The following TMPO variants were observed in gnomAD, a reference collection of about 807,000 sequenced individuals.
TMPO encodes the protein thymopoietin.
A neutral mutation model predicts 45.4 loss-of-function variants in TMPO; 22 were observed. That is an observed-to-expected ratio of 0.48 (90% CI 0.35 to 0.69). The LOEUF (loss-of-function observed/expected upper bound fraction) is 0.69, where lower values mean the gene tolerates loss of function less well. Among genes scored for constraint, TMPO ranks in the 30% least tolerant of loss-of-function variants. The probability of loss-of-function intolerance (pLI) is 0.01; values close to 1 mark genes in which losing one functional copy is unlikely to be tolerated. For missense variants in TMPO, 512 were observed against 548.8 expected, an observed-to-expected ratio of 0.93 and a Z score of 0.67; for synonymous variants, 241 against 204.1, an observed-to-expected ratio of 1.18 and a Z score of -1.54.
intron 1 of TMPO, among the ~76,000 whole-genome samples, chr12:98,518,435 G>A (rs1677156033): frequency 6.7e-6 from 1 of 150,368 alleles, no homozygotes; most frequent in South Asian, 2.1e-4. Flanking sequence ...AAGGGCAACG[G>A]GGCATGCACC....
intron 3 of TMPO, chr12:98,532,881 A>G: frequency 3.7e-6 from 6 of 1,614,150 alleles, no homozygotes; most frequent in Non-Finnish European, 4.2e-6. Flanking sequence ...CTTTTTCTGA[A>G]CTTGGAACTA....
intron 1 of TMPO, 103 bp downstream of exon 1, chr12:98,516,249 C>T: frequency 1.5e-6 from 2 of 1,301,056 alleles, no homozygotes; most frequent in Non-Finnish European, 1.9e-6. Context: ...CCTCGGGCCT[C>T]CCAGGTGCGG....
chr12:98,547,333 C>T (rs924574667), intron 8 of TMPO, among the ~76,000 whole-genome samples: 1 of 152,166 alleles, frequency 6.6e-6, no homozygotes, highest in Non-Finnish European at 1.5e-5. Flanking sequence ...CCTTGGCCTC[C>T]CAAAGTGCTG....
intron 3 of TMPO, among the ~76,000 whole-genome samples, 167 bp from the exon 4 acceptor site, chr12:98,537,308 T>C (rs1225380619): frequency 6.6e-6 from 1 of 152,178 alleles, no homozygotes; most frequent in Non-Finnish European, 1.5e-5. Context: ...GAAACAGTTT[T>C]CAAGACAAAT....
intron 2 of TMPO, among the ~76,000 whole-genome samples, chr12:98,528,729 T>TGG (rs1372774765): frequency 6.6e-6 from 1 of 152,096 alleles, no homozygotes; most frequent in African/African-American, 2.4e-5. Context: ...GAGGCCAAGA[T>TGG]GGGAGGATTG....
intron 1 of TMPO, among the ~76,000 whole-genome samples, chr12:98,519,831 A>T (rs918714553): frequency 2.6e-5 from 4 of 152,188 alleles, no homozygotes; most frequent in African/African-American, 9.7e-5. Flanking sequence ...AAAGAAATTT[A>T]TAATAATTTA....
At chr12:98,547,078 C>CTTTTTT (rs10632560) in intron 8 of TMPO, among the ~76,000 whole-genome samples, 1 of 141,680 alleles carries the variant, frequency 7.1e-6, no homozygotes. Context: ...ATGCATCGAA[C>CTTTTTT]TTTTTTTTTT....
intron 1 of TMPO, among the ~76,000 whole-genome samples, chr12:98,525,996 TC>T (rs1425888825): frequency 6.6e-6 from 1 of 152,252 alleles, no homozygotes; most frequent in Non-Finnish European, 1.5e-5. Context: ...GAGGCATTTG[TC>T]AGGCTGTTTG....
intron 1 of TMPO, among the ~76,000 whole-genome samples, chr12:98,517,341 T>C (rs940742892): frequency 1.3e-5 from 2 of 152,230 alleles, no homozygotes; most frequent in South Asian, 2.1e-4. Context: ...GATTTTAATA[T>C]GCTTTTTGTG....
intron 4 of TMPO, 64 bp downstream of exon 4, chr12:98,537,636 GT>G (rs768838261): frequency 2.7e-5 from 34 of 1,255,552 alleles, no homozygotes; most frequent in Non-Finnish European, 1.8e-5. Flanking sequence ...ACTAATCCAT[GT>G]TTTAGCCTTT....
chr12:98,547,493 G>A, intron 8 of TMPO, 80 bp from the exon 9 acceptor site: 3 of 1,540,996 alleles, frequency 1.9e-6, no homozygotes, highest in Non-Finnish European at 2.7e-6. Flanking sequence ...ATTAGGAGTG[G>A]CAATGACATT....
rs200367787 is a variant in TMPO, at chr12:98,533,500, T to G, written c.565+1662T>G. 41 of 1,614,176 alleles carry G rather than the reference T, an allele frequency of 2.5e-5. No homozygotes were observed. The highest frequency in any genetic ancestry group is 3.1e-5 in the Non-Finnish European group (37 of 1,180,030). ...AAACATACAGAAGAGAATTGATCAG[T>G]CTAAGTTTCAAGAAACTGAATTCCT... is the stretch of plus-strand genomic sequence containing the variant. On this transcript the variant is annotated intron_variant, in intron 3 of 8. Coordinates refer to ENST00000556029, the MANE Select transcript of TMPO (RefSeq NM_001032283.3).
chr12:98,547,862 G>C lies in TMPO; in HGVS notation c.*4G>C, dbSNP rs1471894531. The C allele has an allele frequency of 2.5e-6, 4 of 1,613,792 alleles. No homozygotes were observed. Among genetic ancestry groups the C allele is most frequent in the African/African-American group, 1.3e-5 (1 of 74,882 alleles). Reference sequence around the variant, plus strand: ...TGACCCTAGAAAATCCAACTGAATGGTATCTCTTTGGCACGTTCAACTTGG... The same window carrying C: ...TGACCCTAGAAAATCCAACTGAATGCTATCTCTTTGGCACGTTCAACTTGG... On this transcript the variant is annotated 3_prime_UTR_variant, in exon 9 of 9. Transcript: ENST00000556029.
intron 4 of TMPO, among the ~76,000 whole-genome samples, chr12:98,541,491 T>A (rs1184725753): frequency 6.6e-6 from 1 of 152,244 alleles, no homozygotes; most frequent in Non-Finnish European, 1.5e-5. Context: ...TGTTTCTAAA[T>A]AATACAGTAT....
At chr12:98,540,041 G>A (rs765414504) in intron 4 of TMPO, among the ~76,000 whole-genome samples, 8 of 152,050 alleles carry the variant, frequency 5.3e-5, no homozygotes, top group Non-Finnish European at 1.0e-4. Context: ...CCACATATCC[G>A]GTTTGATTTT....
chr12:98,530,442 T>TATAA (rs955563619), intron 2 of TMPO, among the ~76,000 whole-genome samples: 1 of 152,270 alleles, frequency 6.6e-6, no homozygotes, highest in African/African-American at 2.4e-5. Context: ...ATCTTAAGGC[T>TATAA]ATTTATATAA....
chr12:98,547,817 TTC>T lies in TMPO; in HGVS notation c.1328_1329del (p.Ser443Ter). On this transcript the variant is annotated frameshift_variant, in exon 9 of 9. Transcript: ENST00000556029. LOFTEE classifies it high-confidence loss of function. Reference sequence around the variant, plus strand: ...TATGGAAACCAACCAAGTAAATCCCTTCTCTAATTTTCTTCATGTTGACCCTA... The same window carrying T: ...TATGGAAACCAACCAAGTAAATCCCTTCTAATTTTCTTCATGTTGACCCTA... Reference protein sequence around the residue: ...QAMETNQVNPFSNFLHVDPRK... With the variant: ...QAMETNQVNPXSNFLHVDPRK... 1 of 1,614,052 alleles carries T rather than the reference TTC, an allele frequency of 6.2e-7. No homozygotes were observed. The highest frequency in any genetic ancestry group is 8.5e-7 in the Non-Finnish European group (1 of 1,180,014).
rs538702194 is a variant in TMPO at position 98,516,137 on chromosome 12, C to G, written c.270C>G (p.Ala90=). The G allele has an allele frequency of 7.5e-6, 11 of 1,465,084 alleles. No homozygotes were observed. The highest frequency in any genetic ancestry group is 7.4e-5 in the African/African-American group (5 of 67,964). 90.8% of individuals were successfully genotyped at this position (1,465,084 alleles called of 1,614,324 possible). A position where few individuals can be genotyped will look rare whatever the true frequency, so the allele number is the denominator to read the frequency against. Residue 90 remains alanine (A), a synonymous_variant, in exon 1 of 9, where the codon GCC becomes GCG. Coordinates refer to ENST00000556029, the MANE Select transcript of TMPO (RefSeq NM_001032283.3). The part of the protein sequence containing the change: ...GAAAAGRSRA[A]VGRKATKKTD... ...CCGCCGCGGGCCGGAGCCGAGCAGCCGTCGGCAGGGTAAGGACGCGGGGCC... is the reference window on the plus strand; with the variant it reads ...CCGCCGCGGGCCGGAGCCGAGCAGCGGTCGGCAGGGTAAGGACGCGGGGCC...
At chr12:98,539,240 T>C (rs1257698011) in intron 4 of TMPO, among the ~76,000 whole-genome samples, 3 of 149,162 alleles carry the variant, frequency 2.0e-5, no homozygotes, top group Admixed American at 1.3e-4. Flanking sequence ...AAAGATGGTC[T>C]AAGGGATAAT....
Sources: allele counts gnomAD v4.1 joint callset (sites outside exome capture counted in the v4.1 genomes callset), GRCh38; gene constraint gnomAD v4.1.1; transcripts MANE v1.5; gene names NCBI Gene and HGNC (gene_info 2026-07-23, HGNC 2026-07-21).